ZNF548: variants seen among roughly 807,000 people sequenced by gnomAD.
ZNF548 encodes zinc finger protein 548.
Under a neutral mutation model 10.2 loss-of-function variants are expected in ZNF548, and 10 were observed. The ratio of observed to expected loss-of-function variants is 0.98; its 90% confidence interval spans 0.60 to 1.66. ZNF548 has a LOEUF of 1.66. ZNF548 is among the 40% of genes most tolerant of loss of function. ZNF548 has a pLI of 0.00. For synonymous variants in ZNF548, 217 were observed against 223.5 expected (o/e 0.97, Z 0.26); for missense variants, 599 against 657.0 (o/e 0.91, Z 0.97).
chr19:57,391,103 A>T (rs944840591), intron 1 of ZNF548, among the ~76,000 whole-genome samples: 1 of 152,180 alleles, frequency 6.6e-6, no homozygotes, highest in Non-Finnish European at 1.5e-5. Context: ...TTCATCACTC[A>T]TCTTCGTCTC....
chr19:57,396,986 A>G, intron 2 of ZNF548, 62 bp from the exon 3 acceptor site: 1 of 1,544,208 alleles, frequency 6.5e-7, no homozygotes, highest in Non-Finnish European at 8.7e-7. Context: ...GAAAATAGAG[A>G]ACTTAAGTAA....
intron 2 of ZNF548, chr19:57,396,761 G>A (rs2085909011): frequency 2.7e-6 from 1 of 373,504 alleles, no homozygotes. Flanking sequence ...AGCAATGCAG[G>A]GCTGGGCGTC....
At chr19:57,392,120 T>C (rs2088631413) in intron 1 of ZNF548, among the ~76,000 whole-genome samples, 2 of 151,480 alleles carry the variant, frequency 1.3e-5, no homozygotes, top group Non-Finnish European at 2.9e-5. Context: ...GTTAATGAGA[T>C]TTTTTGTTGT....
chr19:57,398,123 C>T (rs993490280), intron 3 of ZNF548, among the ~76,000 whole-genome samples: 10 of 152,360 alleles, frequency 6.6e-5, no homozygotes, highest in Middle Eastern at 3.4e-3. Flanking sequence ...CTTCTACACA[C>T]TGCTTGCCAG....
In ZNF548 at chr19:57,393,100, T is replaced by C. The variant is rs1396252752; in HGVS notation, c.16-1088T>C. On this transcript the variant is annotated intron_variant, in intron 1 of 3. Transcript: ENST00000336128. ...GCTGGGTTCCAGATCAGAGCACTGC[T>C]TTTTCCCCTTCTCTACATGTCAGGG... 2.6e-5 allele frequency among the ~76,000 whole-genome samples: 4 copies of C among 152,144 alleles called. No individual in the cohort carries two copies. The East Asian group carries it at 7.7e-4, about 29-fold the overall frequency.
chr19:57,397,285 C>T, intron 3 of ZNF548, 111 bp downstream of exon 3: 1 of 1,414,690 alleles, frequency 7.1e-7, no homozygotes, highest in Non-Finnish European at 9.3e-7. Flanking sequence ...CTTCTTTTCC[C>T]TGTTTCTTGG....
Position 57,394,239 on chromosome 19 carries a change from C to G in ZNF548, c.51+16C>G, listed in dbSNP as rs756473596. 1 of 1,600,906 alleles carries G rather than the reference C, an allele frequency of 6.2e-7. No homozygotes were observed. Among genetic ancestry groups the G allele is most frequent in the Non-Finnish European group, 8.5e-7 (1 of 1,178,582 alleles). ...CCCTACACAGGTGAGTAGAGTGTTT[C>G]CTACTATTCACCCACCCTGGTTATC... On this transcript the variant is annotated intron_variant, in intron 2 of 3. Transcript: ENST00000336128.
chr19:57,398,402 C>G (rs1290124216), intron 3 of ZNF548, 28 bp from the exon 4 acceptor site: 2 of 1,603,810 alleles, frequency 1.2e-6, no homozygotes, highest in African/African-American at 1.3e-5. Flanking sequence ...AGTCAACATG[C>G]ACTTCTCCAG....
At position 57,394,284 on chromosome 19, in the gene ZNF548, GT is replaced by G. The variant is rs2088649941; in HGVS notation, c.51+62del. The stretch of plus-strand genomic sequence containing the variant: ...GTTATCTCCCAGATGGTTTTGGCAG[GT>G]GACAAAACCTCTTTTCCTGTCTTTC... On this transcript the variant is annotated intron_variant, in intron 2 of 3. Coordinates refer to ENST00000336128, the MANE Select transcript of ZNF548 (RefSeq NM_001172773.2). The G allele has an allele frequency of 2.0e-6, 3 of 1,521,818 alleles. No individual in the cohort carries two copies. In the South Asian group the frequency reaches 3.5e-5, roughly 18 times the overall value. 94.3% of individuals were successfully genotyped at this position (1,521,818 alleles called of 1,614,324 possible). A position where few individuals can be genotyped will look rare whatever the true frequency, so the allele number is the denominator to read the frequency against.
In ZNF548 at chr19:57,395,974, A is replaced by G. The variant is rs1341965961; in HGVS notation, c.52-1074A>G. ...AGGGCTTAGGGCTGCCCCCGGTGCT[A>G]GGGGACTTTGGTGTTCTGGGGCAGG... On this transcript the variant is annotated intron_variant, in intron 2 of 3. Transcript: ENST00000336128. This position sits in a 1 kb window ranked among gnomAD's most constrained non-coding sequence, Gnocchi z 4.8. Among the ~76,000 whole-genome samples, 2 of 151,700 alleles carry G rather than the reference A, an allele frequency of 1.3e-5. No individual in the cohort carries two copies. The highest frequency in any genetic ancestry group is 2.9e-5 in the Non-Finnish European group (2 of 67,930).
chr19:57,390,058 C>T lies in ZNF548; in HGVS notation c.-42C>T, dbSNP rs754126071. ...CGTCCTTGTCTTGCCTTTGTCGCTC[C>T]CGCCCCGCTCTTCCCTGGCTGGGCT... On this transcript the variant is annotated 5_prime_UTR_variant, in exon 1 of 4. Coordinates refer to ENST00000336128, the MANE Select transcript of ZNF548 (RefSeq NM_001172773.2). The T allele has an allele frequency of 2.1e-5, 33 of 1,606,122 alleles. No individual in the cohort carries two copies. The highest frequency in any genetic ancestry group is 3.3e-5 in the Admixed American group (2 of 59,846).
intron 1 of ZNF548, chr19:57,393,026 G>A: frequency 3.1e-6 from 3 of 961,830 alleles, no homozygotes; most frequent in Non-Finnish European, 2.5e-6. Flanking sequence ...TTGACCCTCA[G>A]GGCCACTCTC....
chr19:57,398,218 C>T (rs2088680982), intron 3 of ZNF548, among the ~76,000 whole-genome samples: 1 of 152,204 alleles, frequency 6.6e-6, no homozygotes, highest in Non-Finnish European at 1.5e-5. Flanking sequence ...CATACCCCTC[C>T]CTTGTATGCT....
In ZNF548 at chr19:57,399,038, A is replaced by G; in HGVS notation, c.787A>G (p.Arg263Gly). 1 of 1,614,266 alleles carries G rather than the reference A, an allele frequency of 6.2e-7. No individual in the cohort carries two copies. Among genetic ancestry groups the G allele is most frequent in the Non-Finnish European group, 8.5e-7 (1 of 1,180,040 alleles). Residue 263 changes from arginine (R) to glycine (G), a missense_variant, in exon 4 of 4, where the codon AGG becomes GGG. By Grantham distance (125) the Arg-to-Gly change is moderately radical. Coordinates refer to ENST00000336128, the MANE Select transcript of ZNF548 (RefSeq NM_001172773.2). This position sits in a 1 kb window ranked among gnomAD's most constrained non-coding sequence, Gnocchi z 4.0. ...MKHQTVHTSE[R>G]TYECRECGKS... ...ACATCAGACAGTTCACACTAGTGAA[A>G]GGACTTATGAGTGCAGAGAATGTGG... is the stretch of plus-strand genomic sequence containing the variant.
intron 1 of ZNF548, chr19:57,392,965 G>C (rs890512541): frequency 2.0e-6 from 2 of 985,582 alleles, no homozygotes; most frequent in Non-Finnish European, 2.4e-6. Context: ...ATATGGCCTG[G>C]GATGGAGGCT....
chr19:57,398,942 C>T lies in ZNF548; in HGVS notation c.691C>T (p.His231Tyr). Residue 231 changes from histidine (H) to tyrosine (Y), a missense_variant, in exon 4 of 4, where the codon CAC (histidine) becomes TAC (tyrosine). His to Tyr is a moderately conservative substitution (Grantham distance 83, BLOSUM62 2). Coordinates refer to ENST00000336128, the MANE Select transcript of ZNF548 (RefSeq NM_001172773.2). ...SYSFVEHQKI[H>Y]TGERSYECNK... Reference sequence around the variant, plus strand: ...TTCATTTGTTGAGCACCAGAAAATCCACACAGGAGAAAGGTCTTATGAATG... The same window carrying T: ...TTCATTTGTTGAGCACCAGAAAATCTACACAGGAGAAAGGTCTTATGAATG... 4 of 1,614,068 alleles carry T rather than the reference C, an allele frequency of 2.5e-6. No homozygotes were observed. Among genetic ancestry groups the T allele is most frequent in the Non-Finnish European group, 3.4e-6 (4 of 1,179,958 alleles).
Position 57,401,956 on chromosome 19 carries a change from C to T in ZNF548, c.*2067C>T, listed in dbSNP as rs1443780807. The T allele has an allele frequency of 6.6e-6, 1 of 152,222 alleles. No individual in the cohort carries two copies. The highest frequency in any genetic ancestry group is 1.5e-5 in the Non-Finnish European group (1 of 68,080). 9.4% of individuals were successfully genotyped at this position (152,222 alleles called of 1,614,324 possible). On this transcript the variant is annotated 3_prime_UTR_variant, in exon 4 of 4. Coordinates refer to ENST00000336128, the MANE Select transcript of ZNF548 (RefSeq NM_001172773.2). ...GTTTTGCCATGTTGGCCAGGCTGGTCTTAAACTTCTGGCCTTAAGTGATCC... is the reference window on the plus strand; with the variant it reads ...GTTTTGCCATGTTGGCCAGGCTGGTTTTAAACTTCTGGCCTTAAGTGATCC...
chr19:57,399,853 C>T lies in ZNF548; in HGVS notation c.1602C>T (p.Asn534=). 1 of 1,607,154 alleles carries T rather than the reference C, an allele frequency of 6.2e-7. No homozygotes were observed. The highest frequency in any genetic ancestry group is 8.5e-7 in the Non-Finnish European group (1 of 1,174,942). Reference sequence around the variant, plus strand: ...TAGCTAAAACTCCAACCTCATTAAACATCAGAGATTTCACAATGGAGAAAG... The same window carrying T: ...TAGCTAAAACTCCAACCTCATTAAATATCAGAGATTTCACAATGGAGAAAG... ...NSLAKTPTSL[N]IRDFTMEKVY... Residue 534 remains asparagine, a synonymous_variant, in exon 4 of 4, where the codon AAC becomes AAT. Coordinates refer to ENST00000336128, the MANE Select transcript of ZNF548 (RefSeq NM_001172773.2). This position sits in a 1 kb window ranked among gnomAD's most constrained non-coding sequence, Gnocchi z 4.0.
intron 1 of ZNF548, among the ~76,000 whole-genome samples, chr19:57,391,297 CTTT>C (rs35713836): frequency 2.1e-5 from 3 of 140,610 alleles, no homozygotes. Context: ...TAGTTTCATG[CTTT>C]TTTTTTTTTT....
Sources: allele counts gnomAD v4.1 joint callset (sites outside exome capture counted in the v4.1 genomes callset), GRCh38; gene constraint gnomAD v4.1.1; non-coding constraint Gnocchi (gnomAD v3.1); transcripts MANE v1.5; gene names NCBI Gene and HGNC (gene_info 2026-07-23, HGNC 2026-07-21).